WDTC1: variants seen among roughly 807,000 people sequenced by gnomAD.
The protein encoded by WDTC1 is WD and tetratricopeptide repeats 1, also known as WD and tetratricopeptide repeats protein 1.
A neutral mutation model predicts 76.0 loss-of-function variants in WDTC1; 12 were observed. The ratio of observed to expected loss-of-function variants is 0.16; its 90% CI spans 0.10 to 0.26. The LOEUF (loss-of-function observed/expected upper bound fraction) is 0.26. Ranked by LOEUF, WDTC1 falls within the 10% of genes least tolerant of loss-of-function variation. The pLI is 1.00. For missense variants in WDTC1, 511 were observed against 908.8 expected (o/e 0.56, Z 5.63); for synonymous variants, 326 against 350.8 (o/e 0.93, Z 0.79).
At chr1:27,242,759 G>A (rs1340247920) in intron 1 of WDTC1, among the ~76,000 whole-genome samples, 3 of 151,904 alleles carry the variant, frequency 2.0e-5, no homozygotes, top group South Asian at 2.1e-4. Context: ...GTGAGCCACC[G>A]CACCCAGGCG....
intron 3 of WDTC1, among the ~76,000 whole-genome samples, chr1:27,272,366 G>T (rs1257500028): frequency 1.3e-5 from 2 of 152,154 alleles, no homozygotes; most frequent in African/African-American, 4.8e-5. Flanking sequence ...CACAGTGCTG[G>T]GATGAGGCGT....
At chr1:27,275,421 C>T (rs2012992344) in intron 3 of WDTC1, among the ~76,000 whole-genome samples, 1 of 151,970 alleles carries the variant, frequency 6.6e-6, no homozygotes, top group Non-Finnish European at 1.5e-5. Flanking sequence ...AAAAAGATGC[C>T]AGCCTGGCCA....
chr1:27,259,359 G>T (rs1345829326), intron 1 of WDTC1, among the ~76,000 whole-genome samples: 1 of 138,566 alleles, frequency 7.2e-6, no homozygotes, highest in Non-Finnish European at 1.5e-5. Context: ...GTATAGATAA[G>T]GTCTCACTTT....
chr1:27,306,489 T>C lies in WDTC1; in HGVS notation c.*106T>C, dbSNP rs2013959385. 2.2e-6 allele frequency: 3 copies of C among 1,341,740 alleles called. No homozygotes were observed. Among genetic ancestry groups the C allele is most frequent in the East Asian group, 2.5e-5 (1 of 39,872 alleles). 83.1% of individuals were successfully genotyped at this position (1,341,740 alleles called of 1,614,324 possible). On this transcript the variant is annotated 3_prime_UTR_variant, in exon 16 of 16. Coordinates refer to ENST00000319394, the MANE Select transcript of WDTC1 (RefSeq NM_001276252.2). The surrounding 1 kb of genome is among the most constrained non-coding windows in gnomAD (Gnocchi z 5.0). ...TTTGTCTTCCCCACCACCCTTTTTT[T>C]TCATTTCCCCTGTTTTGTTTGTTAG...
intron 6 of WDTC1, among the ~76,000 whole-genome samples, chr1:27,289,486 T>G (rs1403146728): frequency 5.6e-5 from 8 of 142,526 alleles, no homozygotes; most frequent in Non-Finnish European, 9.1e-5. Flanking sequence ...GCAGAGACGC[T>G]CCTCACTTTC....
chr1:27,284,044 C>G (rs1212918421), intron 5 of WDTC1, among the ~76,000 whole-genome samples: 1 of 152,154 alleles, frequency 6.6e-6, no homozygotes, highest in African/African-American at 2.4e-5. Flanking sequence ...AGGGGACTTA[C>G]AAGTGTCTTC....
intron 1 of WDTC1, among the ~76,000 whole-genome samples, chr1:27,251,806 G>A (rs2012073956): frequency 6.6e-6 from 1 of 151,962 alleles, no homozygotes; most frequent in Admixed American, 6.6e-5. Flanking sequence ...TGGTGATAGA[G>A]TAAGACCCTG....
At chr1:27,293,966 G>A in intron 7 of WDTC1, 56 bp from the exon 8 acceptor site, 2 of 1,546,460 alleles carry the variant, frequency 1.3e-6, no homozygotes, top group Non-Finnish European at 1.8e-6. Flanking sequence ...AGTGTGGTCT[G>A]GTCTAGCCAG....
chr1:27,305,319 C>G lies in WDTC1; in HGVS notation c.1836+126C>G. 1 of 1,220,502 alleles carries G rather than the reference C, an allele frequency of 8.2e-7. No homozygotes were observed. 75.6% of individuals were successfully genotyped at this position (1,220,502 alleles called of 1,614,324 possible). The stretch of plus-strand genomic sequence containing the variant: ...AGAAGCTGCTAAGTAAGCCTTACCC[C>G]GGGGCCCAAGGCTGTGTTCTCAGAT... On this transcript the variant is annotated intron_variant, in intron 15 of 15. Transcript: ENST00000319394. The surrounding 1 kb of genome is among the most constrained non-coding windows in gnomAD (Gnocchi z 4.6).
chr1:27,234,980 C>T, intron 1 of WDTC1, 29 bp downstream of exon 1: 1 of 383,828 alleles, frequency 2.6e-6, no homozygotes, highest in Non-Finnish European at 4.6e-6. Context: ...CCCTGCCCTC[C>T]GCGGGCGCCG....
chr1:27,250,053 TG>T (rs2011985146), intron 1 of WDTC1, among the ~76,000 whole-genome samples: 1 of 152,138 alleles, frequency 6.6e-6, no homozygotes, highest in South Asian at 2.1e-4. Context: ...GTAGGGAAAT[TG>T]GGGCGGGGGA....
rs1382530587 is a variant in WDTC1 at position 27,297,168 on chromosome 1, T to G, written c.1058+12T>G. The G allele has an allele frequency of 6.3e-7, 1 of 1,590,958 alleles. No homozygotes were observed. The highest frequency in any genetic ancestry group is 1.1e-5 in the South Asian group (1 of 89,038). ...AGGGGACATGTCAGGTGAGGCCAGC[T>G]GGCTTGTCCAGCCCTCCAAGCCCCA... On this transcript the variant is annotated intron_variant, in intron 11 of 15. Coordinates refer to ENST00000319394, the MANE Select transcript of WDTC1 (RefSeq NM_001276252.2).
intron 3 of WDTC1, among the ~76,000 whole-genome samples, chr1:27,280,058 G>A (rs1320854861): frequency 6.6e-6 from 1 of 152,186 alleles, no homozygotes; most frequent in Admixed American, 6.5e-5. Context: ...GACACAGAGA[G>A]GTTAAAGAAC....
intron 1 of WDTC1, among the ~76,000 whole-genome samples, chr1:27,243,512 C>T (rs1359837566): frequency 6.6e-6 from 1 of 152,040 alleles, no homozygotes; most frequent in Non-Finnish European, 1.5e-5. Flanking sequence ...ACACCCGGCC[C>T]AGTAATTATT....
At position 27,234,967 on chromosome 1, in the gene WDTC1, G is replaced by A. The variant is rs1420360224; in HGVS notation, c.-100+16G>A. 1 of 387,968 alleles carries A rather than the reference G, an allele frequency of 2.6e-6. No homozygotes were observed. The highest frequency in any genetic ancestry group is 4.6e-6 in the Non-Finnish European group (1 of 219,098). 24.0% of individuals were successfully genotyped at this position (387,968 alleles called of 1,614,324 possible). ...GACCTGACAGGTACGGGTCACCGCCGCCCCCTGCCCTCCGCGGGCGCCGAG... is the reference window on the plus strand; with the variant it reads ...GACCTGACAGGTACGGGTCACCGCCACCCCCTGCCCTCCGCGGGCGCCGAG... On this transcript the variant is annotated intron_variant, in intron 1 of 15. Transcript: ENST00000319394.
chr1:27,293,285 A>T (rs544798443), intron 7 of WDTC1, among the ~76,000 whole-genome samples: 2 of 148,250 alleles, frequency 1.3e-5, no homozygotes, highest in Non-Finnish European at 3.0e-5. Context: ...ACAAAAAATT[A>T]GCCGGGCGTG....
At chr1:27,262,659 G>A (rs185785464) in intron 2 of WDTC1, among the ~76,000 whole-genome samples, 1 of 152,292 alleles carries the variant, frequency 6.6e-6, no homozygotes, top group East Asian at 1.9e-4. Flanking sequence ...AAAGTACTGG[G>A]ATTACAGGCA....
chr1:27,302,692 G>C (rs1179056121), intron 13 of WDTC1, among the ~76,000 whole-genome samples: 1 of 152,106 alleles, frequency 6.6e-6, no homozygotes, highest in Non-Finnish European at 1.5e-5. Flanking sequence ...AGTGAGCCAT[G>C]ATCACACCAC....
At chr1:27,281,856 C>T (rs2013201433) in intron 3 of WDTC1, among the ~76,000 whole-genome samples, 1 of 152,132 alleles carries the variant, frequency 6.6e-6, no homozygotes, top group South Asian at 2.1e-4. Context: ...GGGCAGCCTC[C>T]CAAAGCACTA....
Sources: gnomAD v4.1 joint callset for allele counts (sites outside exome capture counted in the v4.1 genomes callset) on GRCh38, gnomAD v4.1.1 for gene constraint, Gnocchi (gnomAD v3.1) non-coding constraint, MANE v1.5 for transcripts, NCBI Gene and HGNC (gene_info 2026-07-23, HGNC 2026-07-21) for gene names.